Variants in ATE1 observed in about 807,000 individuals in gnomAD.
ATE1 encodes arginyl-tRNA--protein transferase 1.
Under a neutral mutation model 70.5 loss-of-function variants are expected in ATE1, and 36 were observed. The observed-to-expected ratio is 0.51, with a 90% CI of 0.39 to 0.67. ATE1 has a LOEUF of 0.67. Among genes scored for constraint, ATE1 ranks in the 30% least tolerant of loss-of-function variants. The pLI, the probability that ATE1 is intolerant of heterozygous loss-of-function variation, is 0.00. For missense variants in ATE1, 593 were observed against 629.5 expected, an observed-to-expected ratio of 0.94 and a Z score of 0.62; for synonymous variants, 232 against 219.3, an observed-to-expected ratio of 1.06 and a Z score of -0.51.
chr10:121,771,980 C>T (rs1394172437), intron 11 of ATE1, among the ~76,000 whole-genome samples: 2 of 152,154 alleles, frequency 1.3e-5, no homozygotes, highest in Admixed American at 1.3e-4. Flanking sequence ...TTCAGAAAAT[C>T]CCTGTCATTT....
intron 3 of ATE1, among the ~76,000 whole-genome samples, chr10:121,920,632 A>G (rs1354150303): frequency 6.6e-6 from 1 of 152,214 alleles, no homozygotes; most frequent in Admixed American, 6.5e-5. Flanking sequence ...AAAATCCAAA[A>G]GATTATGAAA....
At chr10:121,908,301 C>T (rs1008293456) in intron 5 of ATE1, among the ~76,000 whole-genome samples, 3 of 152,230 alleles carry the variant, frequency 2.0e-5, no homozygotes, top group Admixed American at 6.5e-5. Context: ...GTCAGGAGTT[C>T]GAGACCAGCC....
intron 8 of ATE1, chr10:121,846,750 ATC>A (rs1948840753): frequency 1.3e-5 from 2 of 150,608 alleles, no homozygotes; most frequent in African/African-American, 5.0e-5. Flanking sequence ...ATAAAATGTT[ATC>A]TGGGCAATAA....
rs771548510 is a variant in ATE1 at position 121,874,981 on chromosome 10, G to GA, written c.943-4944dup. Among the ~76,000 whole-genome samples, 180 of 88,972 alleles carry GA rather than the reference G, an allele frequency of 2.0e-3. 1 individual carries two copies. Among genetic ancestry groups the GA allele is most frequent in the African/African-American group, 4.6e-3 (102 of 21,942 alleles). 58.4% of individuals were successfully genotyped at this position (88,972 alleles called of 152,430 possible). A position where few individuals can be genotyped will look rare whatever the true frequency, so the allele number is the denominator to read the frequency against. On this transcript the variant is annotated intron_variant, in intron 7 of 11. Coordinates refer to ENST00000224652, the MANE Select transcript of ATE1 (RefSeq NM_001001976.3). ...CAGTGAAACCCCATCTCTACTAAAA[G>GA]AAAAAAAAAAAAAATACAAAAATTA...
intron 8 of ATE1, among the ~76,000 whole-genome samples, chr10:121,853,528 A>AC (rs1949135247): frequency 6.6e-6 from 1 of 152,188 alleles, no homozygotes; most frequent in African/African-American, 2.4e-5. Flanking sequence ...ATGCTCAACC[A>AC]GTAAGTATAA....
At chr10:121,887,514 G>A (rs1950442198) in intron 7 of ATE1, among the ~76,000 whole-genome samples, 2 of 145,734 alleles carry the variant, frequency 1.4e-5, no homozygotes, top group South Asian at 4.5e-4. Context: ...GACCAGCCTG[G>A]ACAACACAGC....
chr10:121,875,224 C>T (rs1448803150), intron 7 of ATE1, among the ~76,000 whole-genome samples: 1 of 149,632 alleles, frequency 6.7e-6, no homozygotes, highest in African/African-American at 2.4e-5. Context: ...ATTATATCTC[C>T]TTTTTTGCCT....
At chr10:121,922,241 A>C in intron 3 of ATE1, 108 bp downstream of exon 3, 2 of 730,858 alleles carry the variant, frequency 2.7e-6, no homozygotes, top group Non-Finnish European at 4.6e-6. Flanking sequence ...CTTTTAAAGG[A>C]CATCTACCTA....
chr10:121,918,191 G>C (rs983123508), intron 3 of ATE1, among the ~76,000 whole-genome samples: 1 of 152,044 alleles, frequency 6.6e-6, no homozygotes, highest in Non-Finnish European at 1.5e-5. Context: ...AAATTAGCAG[G>C]GCATGGTGGC....
intron 2 of ATE1, among the ~76,000 whole-genome samples, chr10:121,922,701 C>A (rs1007729301): frequency 6.6e-6 from 1 of 152,142 alleles, no homozygotes; most frequent in African/African-American, 2.4e-5. Context: ...GCCACCAATC[C>A]CCAATACCAC....
chr10:121,821,738 G>A (rs985647929), intron 10 of ATE1, among the ~76,000 whole-genome samples: 3 of 152,086 alleles, frequency 2.0e-5, no homozygotes, highest in African/African-American at 4.8e-5. Flanking sequence ...AAAATTAGCT[G>A]GGCGTGGTGG....
intron 3 of ATE1, among the ~76,000 whole-genome samples, chr10:121,916,811 G>C (rs1360416560): frequency 6.6e-6 from 1 of 151,690 alleles, no homozygotes; most frequent in African/African-American, 2.4e-5. Context: ...CTCCAGCCTG[G>C]GCAACAAAAC....
At chr10:121,910,773 A>C in intron 5 of ATE1, 133 bp downstream of exon 5, 1 of 1,209,684 alleles carries the variant, frequency 8.3e-7, no homozygotes, top group Non-Finnish European at 1.2e-6. Context: ...GGCAATAATA[A>C]ACAAAGCAGG....
chr10:121,750,724 T>C (rs1048692584), intron 11 of ATE1, among the ~76,000 whole-genome samples: 1 of 152,238 alleles, frequency 6.6e-6, no homozygotes, highest in Non-Finnish European at 1.5e-5. Flanking sequence ...TTAACTTCAT[T>C]ATTTACTGCT....
Position 121,836,812 on chromosome 10 carries a change from A to C in ATE1, c.1163T>G (p.Ile388Ser). 1 of 1,594,878 alleles carries C rather than the reference A, an allele frequency of 6.3e-7. No individual in the cohort carries two copies. The highest frequency in any genetic ancestry group is 8.5e-7 in the Non-Finnish European group (1 of 1,170,964). The change falls in exon 10 of 12, where the codon ATT becomes AGT. Residue 388 changes from isoleucine (I) to serine (S), a missense_variant. Physicochemically the swap from Ile to Ser is moderately radical, Grantham distance 142. Coordinates refer to ENST00000224652, the MANE Select transcript of ATE1 (RefSeq NM_001001976.3). ...CTCATGAAGCTGCCTAGTAAAAGCA[A>C]TTTCTCTGCGAAAAGAAAAAGAAGA... ...SLGVYSALRE[I>S]AFTRQLHEKT...
intron 9 of ATE1, 41 bp from the exon 10 acceptor site, chr10:121,836,858 T>C (rs762078237): frequency 1.7e-6 from 2 of 1,210,976 alleles, no homozygotes; most frequent in South Asian, 2.6e-5. Flanking sequence ...CAGTTAATTC[T>C]GGTTCTAATG....
At chr10:121,857,211 C>T (rs1949280802) in intron 8 of ATE1, among the ~76,000 whole-genome samples, 2 of 152,182 alleles carry the variant, frequency 1.3e-5, no homozygotes, top group Admixed American at 1.3e-4. Context: ...ATGGTCCCAA[C>T]ACCCAGGTAG....
At position 121,915,920 on chromosome 10, in the gene ATE1, A is replaced by G. The variant is rs562492364; in HGVS notation, c.234-2027T>C. Among the ~76,000 whole-genome samples, 18 of 149,624 alleles carry G rather than the reference A, an allele frequency of 1.2e-4. No homozygotes were observed. In the East Asian group the frequency reaches 3.4e-3, roughly 28 times the overall value. ...AAAAAACAAAACAAAACAAAACAAA[A>G]AAAAACAAGAAAAAGAGAAGAAAAG... On this transcript the variant is annotated intron_variant, in intron 3 of 11. Transcript: ENST00000224652.
chr10:121,857,696 A>G (rs1211685295), intron 8 of ATE1, among the ~76,000 whole-genome samples: 3 of 152,248 alleles, frequency 2.0e-5, no homozygotes, highest in Non-Finnish European at 4.4e-5. Flanking sequence ...AACAGAATCA[A>G]CCTACATACC....
Sources: allele counts gnomAD v4.1 joint callset (sites outside exome capture counted in the v4.1 genomes callset), GRCh38; gene constraint gnomAD v4.1.1; transcripts MANE v1.5; gene names NCBI Gene and HGNC (gene_info 2026-07-23, HGNC 2026-07-21).